Variants in DLGAP1 observed in about 807,000 individuals in gnomAD.
DLGAP1 encodes disks large-associated protein 1.
DLGAP1 carries 11 observed loss-of-function variants against 90.8 expected under a neutral mutation model. That is an observed-to-expected ratio of 0.12 (90% CI 0.08 to 0.20). The LOEUF (loss-of-function observed/expected upper bound fraction) is 0.20, where lower values mean the gene tolerates loss of function less well. Ranked by LOEUF, DLGAP1 falls within the 10% of genes least tolerant of loss-of-function variation. The pLI is 1.00. For synonymous variants in DLGAP1, 558 were observed against 540.7 expected (o/e 1.03, Z -0.44); for missense variants, 1,050 against 1,333.8 (o/e 0.79, Z 3.31).
At chr18:3,978,104 G>A (rs960895823) in intron 3 of DLGAP1, 1 of 432,970 alleles carries the variant, frequency 2.3e-6, no homozygotes. Context: ...CGTGGACCAT[G>A]GCCATGAGTC....
rs2076669391 is a variant in DLGAP1 at position 4,151,149 on chromosome 18, TACAAGTAAGGGGGA to T, written c.-159+17_-159+30del. The T allele has an allele frequency of 6.6e-6, 1 of 152,186 alleles. No homozygotes were observed. The allele number at this position is 152,186 out of a possible 1,614,324, so 9.4% of individuals were successfully genotyped here. A position where few individuals can be genotyped will look rare whatever the true frequency, so the allele number is the denominator to read the frequency against. On this transcript the variant is annotated intron_variant, in intron 2 of 12. Coordinates refer to ENST00000315677, the MANE Select transcript of DLGAP1 (RefSeq NM_004746.4). ...CTGTTATTTAAGAAACTGCTTCCTATACAAGTAAGGGGGAAAGGGGGCAGTTTTACCTTTGATTA... is the reference window on the plus strand; with the variant it reads ...CTGTTATTTAAGAAACTGCTTCCTATAAGGGGGCAGTTTTACCTTTGATTA...
At chr18:3,967,161 T>A (rs1180012297) in intron 3 of DLGAP1, among the ~76,000 whole-genome samples, 1 of 152,182 alleles carries the variant, frequency 6.6e-6, no homozygotes, top group Admixed American at 6.5e-5. Flanking sequence ...CTGTCTACAT[T>A]GGTGGAGGGA....
intron 2 of DLGAP1, among the ~76,000 whole-genome samples, chr18:4,078,341 T>C (rs1412331548): frequency 6.6e-6 from 1 of 152,194 alleles, no homozygotes; most frequent in Non-Finnish European, 1.5e-5. Flanking sequence ...TTCAAGCTTT[T>C]GGAAGTTACA....
intron 5 of DLGAP1, among the ~76,000 whole-genome samples, chr18:3,811,936 C>T (rs2066864941): frequency 6.6e-6 from 1 of 152,190 alleles, no homozygotes; most frequent in Non-Finnish European, 1.5e-5. Flanking sequence ...GGCTCTACAT[C>T]TTTCTGTTCT....
intron 2 of DLGAP1, among the ~76,000 whole-genome samples, chr18:4,134,603 G>A (rs2076370214): frequency 6.6e-6 from 1 of 152,068 alleles, no homozygotes; most frequent in Admixed American, 6.6e-5. Flanking sequence ...CAAAATGTGA[G>A]AAACCCTCCT....
At chr18:4,120,426 T>C (rs941422715) in intron 2 of DLGAP1, among the ~76,000 whole-genome samples, 11 of 152,174 alleles carry the variant, frequency 7.2e-5, no homozygotes, top group African/African-American at 9.7e-5. Context: ...GAATTGCACA[T>C]CACTCGTGGC....
intron 7 of DLGAP1, among the ~76,000 whole-genome samples, chr18:3,646,043 AC>A (rs2059104395): frequency 6.6e-6 from 1 of 152,302 alleles, no homozygotes; most frequent in African/African-American, 2.4e-5. Flanking sequence ...TAGTTTTCAA[AC>A]GTCTTATTTT....
At chr18:3,757,313 T>G (rs117518717) in intron 5 of DLGAP1, among the ~76,000 whole-genome samples, 3,252 of 152,102 alleles carry the variant, frequency 0.021, 68 homozygotes, top group Middle Eastern at 0.088. Flanking sequence ...GAGGCTTGAG[T>G]CAGGAGAATC....
intron 6 of DLGAP1, among the ~76,000 whole-genome samples, chr18:3,737,360 T>C (rs2062690588): frequency 6.6e-6 from 1 of 151,306 alleles, no homozygotes; most frequent in Non-Finnish European, 1.5e-5. Flanking sequence ...TGAACATTGA[T>C]GCAAAAATCC....
intron 2 of DLGAP1, among the ~76,000 whole-genome samples, chr18:4,055,680 T>C (rs993994489): frequency 1.3e-5 from 2 of 152,100 alleles, no homozygotes; most frequent in African/African-American, 4.8e-5. Flanking sequence ...GGCAGGGAAG[T>C]GTAATTCTGT....
At chr18:4,445,572 T>C (rs74706520) in intron 1 of DLGAP1, among the ~76,000 whole-genome samples, 27,038 of 151,048 alleles carry the variant, frequency 0.18, 2,780 homozygotes, top group East Asian at 0.5. Context: ...CTTGCGATAG[T>C]TTACTGAGAA....
intron 3 of DLGAP1, among the ~76,000 whole-genome samples, chr18:4,002,779 C>G (rs1459532894): frequency 1.3e-5 from 2 of 152,148 alleles, no homozygotes; most frequent in Non-Finnish European, 2.9e-5. Flanking sequence ...GTTTAATCAG[C>G]ATGGTCATAT....
intron 9 of DLGAP1, among the ~76,000 whole-genome samples, chr18:3,552,934 A>G (rs2053556599): frequency 6.6e-6 from 1 of 150,742 alleles, no homozygotes. Flanking sequence ...TGTCACTTCC[A>G]TATCTGCTTT....
chr18:3,545,450 T>C (rs1459275566), intron 9 of DLGAP1, among the ~76,000 whole-genome samples: 3 of 152,198 alleles, frequency 2.0e-5, no homozygotes, highest in Non-Finnish European at 4.4e-5. Flanking sequence ...CAACAGTCAG[T>C]CACATTAAAT....
At chr18:4,050,027 T>C (rs1384977879) in intron 2 of DLGAP1, among the ~76,000 whole-genome samples, 1 of 152,220 alleles carries the variant, frequency 6.6e-6, no homozygotes, top group East Asian at 1.9e-4. Flanking sequence ...TGCTTAGTGG[T>C]AGAGAAACAA....
intron 1 of DLGAP1, among the ~76,000 whole-genome samples, chr18:4,267,719 T>C (rs191295574): frequency 1.3e-5 from 2 of 152,282 alleles, no homozygotes; most frequent in East Asian, 1.9e-4. Context: ...GAGGCTGCAG[T>C]GAAGCTGTCA....
At chr18:4,225,332 G>A (rs1473543175) in intron 1 of DLGAP1, among the ~76,000 whole-genome samples, 1 of 151,946 alleles carries the variant, frequency 6.6e-6, no homozygotes. Context: ...AAGACGGACA[G>A]GTACAAACAA....
intron 5 of DLGAP1, among the ~76,000 whole-genome samples, chr18:3,777,229 C>A (rs1262650090): frequency 2.0e-5 from 3 of 152,086 alleles, no homozygotes; most frequent in African/African-American, 7.2e-5. Context: ...ATAGGTATGG[C>A]TGGGGTGTTT....
intron 3 of DLGAP1, among the ~76,000 whole-genome samples, chr18:3,940,726 G>A (rs1433566289): frequency 6.6e-6 from 1 of 152,226 alleles, no homozygotes. Flanking sequence ...TGAGTCCTAG[G>A]ATTCCACAGT....
Sources: gnomAD v4.1 joint callset for allele counts (sites outside exome capture counted in the v4.1 genomes callset) on GRCh38, gnomAD v4.1.1 for gene constraint, MANE v1.5 for transcripts, NCBI Gene and HGNC (gene_info 2026-07-23, HGNC 2026-07-21) for gene names.